PSMA1: variants seen among roughly 807,000 people sequenced by gnomAD.
PSMA1 encodes proteasome subunit alpha type-1.
In PSMA1, 3 loss-of-function variants were observed where a neutral mutation model predicts 38.4. That is an observed-to-expected ratio of 0.08 (90% CI 0.04 to 0.20). The LOEUF (loss-of-function observed/expected upper bound fraction) is 0.20, where lower values mean the gene tolerates loss of function less well. PSMA1 is among the 10% of genes least tolerant of loss of function. The pLI is 1.00. For missense variants in PSMA1, 227 were observed against 325.3 expected (o/e 0.70, Z 2.32); for synonymous variants, 101 against 107.1 (o/e 0.94, Z 0.35).
At chr11:14,635,012 G>A (rs1354534619) in intron 1 of PSMA1, among the ~76,000 whole-genome samples, 1 of 152,184 alleles carries the variant, frequency 6.6e-6, no homozygotes, top group Non-Finnish European at 1.5e-5. Context: ...GTTTAGAAAT[G>A]TCTGGTCTAT....
At chr11:14,634,514 T>A (rs1267750896) in intron 1 of PSMA1, among the ~76,000 whole-genome samples, 1 of 151,886 alleles carries the variant, frequency 6.6e-6, no homozygotes, top group Non-Finnish European at 1.5e-5. Context: ...TTTTTTTTTT[T>A]AAGTGATTTT....
At position 14,505,222 on chromosome 11, in the gene PSMA1, T is replaced by C. The variant is rs773537931; in HGVS notation, c.762A>G (p.Ala254=). 21 of 1,613,800 alleles carry C rather than the reference T, an allele frequency of 1.3e-5. No individual in the cohort carries two copies. Among genetic ancestry groups the C allele is most frequent in the Non-Finnish European group, 1.7e-5 (20 of 1,179,772 alleles). Residue 254 remains alanine (A), a synonymous_variant, in exon 10 of 10, where the codon GCA becomes GCG. Transcript: ENST00000396394. ...AQPAQPADEP[A]EKADEPMEH ...GTTCCATTGGTTCATCAGCCTTTTC[T>C]GCAGGTTCATCAGCAGGTTGAGCAG...
intron 2 of PSMA1, among the ~76,000 whole-genome samples, chr11:14,573,315 T>G (rs1468073406): frequency 2.6e-5 from 4 of 152,180 alleles, no homozygotes; most frequent in Non-Finnish European, 5.9e-5. Context: ...TTATCCACCA[T>G]GATCAAGGGG....
At chr11:14,552,925 C>T (rs1454479832) in intron 2 of PSMA1, among the ~76,000 whole-genome samples, 5 of 149,780 alleles carry the variant, frequency 3.3e-5, no homozygotes, top group Non-Finnish European at 5.9e-5. Flanking sequence ...TTCCTGGGCT[C>T]GAGCAATCCC....
intron 2 of PSMA1, among the ~76,000 whole-genome samples, chr11:14,601,277 ATCAATGG>A (rs1196044325): frequency 6.6e-6 from 1 of 152,200 alleles, no homozygotes; most frequent in African/African-American, 2.4e-5. Context: ...TAGCTGACAG[ATCAATGG>A]TGTAATACTG....
rs199995794 is a variant in PSMA1, at chr11:14,510,867, C to T, written c.624+5G>A. 391 of 1,591,462 alleles carry T rather than the reference C, an allele frequency of 2.5e-4. 1 individual carries two copies. The African/African-American group carries it at 4.5e-3, about 18-fold the overall frequency. ...ATATCTACAATTGGAAAAGACAATACTTACCTTTGTAGTCAGGTCCTGTTC... is the reference window on the plus strand; with the variant it reads ...ATATCTACAATTGGAAAAGACAATATTTACCTTTGTAGTCAGGTCCTGTTC... On this transcript the variant is annotated splice_donor_5th_base_variant and intron_variant, in intron 8 of 9. Transcript: ENST00000396394.
chr11:14,621,443 G>T (rs1242067395), intron 1 of PSMA1, among the ~76,000 whole-genome samples: 1 of 151,376 alleles, frequency 6.6e-6, no homozygotes, highest in Non-Finnish European at 1.5e-5. Context: ...GTTTTGTTTT[G>T]TTTTTTTTGT....
chr11:14,593,842 CTTCCTCTTTT>C (rs1852452109), intron 2 of PSMA1, among the ~76,000 whole-genome samples: 1 of 152,192 alleles, frequency 6.6e-6, no homozygotes, highest in South Asian at 2.1e-4. Flanking sequence ...CATTCTCTTT[CTTCCTCTTTT>C]CTAACAGAAC....
chr11:14,620,081 T>C (rs1338707432), intron 1 of PSMA1, among the ~76,000 whole-genome samples: 1 of 151,814 alleles, frequency 6.6e-6, no homozygotes, highest in Non-Finnish European at 1.5e-5. Flanking sequence ...TGTGTGTGTG[T>C]GTATGTGTAT....
At chr11:14,585,767 C>T (rs1261377739) in intron 2 of PSMA1, among the ~76,000 whole-genome samples, 4 of 152,158 alleles carry the variant, frequency 2.6e-5, no homozygotes, top group East Asian at 1.9e-4. Flanking sequence ...AGTGCAGTAG[C>T]CCTGAAACCT....
chr11:14,573,523 A>T (rs538673573), intron 2 of PSMA1, among the ~76,000 whole-genome samples: 257 of 152,330 alleles, frequency 1.7e-3, no homozygotes, highest in Middle Eastern at 0.014. Flanking sequence ...CAAAATAATA[A>T]GAGCTATTTA....
intron 2 of PSMA1, among the ~76,000 whole-genome samples, chr11:14,518,339 T>G (rs904574721): frequency 6.6e-6 from 1 of 152,176 alleles, no homozygotes; most frequent in Non-Finnish European, 1.5e-5. Flanking sequence ...ACTCAAGCAA[T>G]CTACCTTCCT....
chr11:14,507,689 T>C lies in PSMA1; in HGVS notation c.702A>G (p.Glu234=). The change falls in exon 9 of 10, where the codon GAA becomes GAG. Residue 234 remains glutamate, a synonymous_variant. Transcript: ENST00000396394. The part of the protein sequence containing the change: ...YDDDDVSPFL[E]GLEERPQRKA... ...TTCTCTGTGGTCTTTCTTCAAGACC[T>C]TCCAGGAATGGAGACACATCATCAT... is the stretch of plus-strand genomic sequence containing the variant. The C allele has an allele frequency of 1.2e-6, 2 of 1,612,448 alleles. No homozygotes were observed. The highest frequency in any genetic ancestry group is 8.5e-7 in the Non-Finnish European group (1 of 1,178,762).
At chr11:14,635,799 C>T (rs1275274628) in intron 1 of PSMA1, among the ~76,000 whole-genome samples, 1 of 152,098 alleles carries the variant, frequency 6.6e-6, no homozygotes, top group Non-Finnish European at 1.5e-5. Context: ...GTTATTTTAA[C>T]CTCTAAGAGC....
intron 2 of PSMA1, among the ~76,000 whole-genome samples, chr11:14,558,032 A>C (rs1446401491): frequency 1.3e-5 from 2 of 152,152 alleles, no homozygotes; most frequent in African/African-American, 4.8e-5. Flanking sequence ...GTTTGAAGTC[A>C]AAGCCAGAGA....
At chr11:14,505,859 T>A (rs2134139628) in intron 9 of PSMA1, among the ~76,000 whole-genome samples, 1 of 152,102 alleles carries the variant, frequency 6.6e-6, no homozygotes, top group South Asian at 2.1e-4. Context: ...AAAAAAAATG[T>A]GCTGGGCATG....
At chr11:14,572,516 T>C (rs527564357) in intron 2 of PSMA1, among the ~76,000 whole-genome samples, 25 of 152,176 alleles carry the variant, frequency 1.6e-4, no homozygotes, top group Non-Finnish European at 2.8e-4. Flanking sequence ...TTTAAAGCAG[T>C]GTGTAGAGGG....
At chr11:14,555,742 A>G (rs989947088) in intron 2 of PSMA1, among the ~76,000 whole-genome samples, 1 of 152,038 alleles carries the variant, frequency 6.6e-6, no homozygotes, top group Non-Finnish European at 1.5e-5. Context: ...ACCTATCCCC[A>G]TCCTCCCATT....
chr11:14,528,089 C>T (rs569523649), intron 2 of PSMA1, among the ~76,000 whole-genome samples: 96 of 150,606 alleles, frequency 6.4e-4, no homozygotes, highest in African/African-American at 2.2e-3. Flanking sequence ...GCTGAGGCCT[C>T]GACTTACTAC....
Sources: allele counts gnomAD v4.1 joint callset (sites outside exome capture counted in the v4.1 genomes callset), GRCh38; gene constraint gnomAD v4.1.1; transcripts MANE v1.5; gene names NCBI Gene and HGNC (gene_info 2026-07-23, HGNC 2026-07-21).